The following EPAS1 variants were observed in gnomAD, a reference collection of about 807,000 sequenced individuals.
EPAS1 encodes the protein endothelial PAS domain-containing protein 1.
A neutral mutation model predicts 87.9 loss-of-function variants in EPAS1; 23 were observed. The ratio of observed to expected loss-of-function variants is 0.26; its 90% CI spans 0.19 to 0.37. The LOEUF is 0.37. EPAS1 is among the 10% of genes least tolerant of loss of function. The probability of loss-of-function intolerance (pLI) is 1.00; values close to 1 mark genes in which losing one functional copy is unlikely to be tolerated. For synonymous variants in EPAS1, 508 were observed against 444.3 expected (o/e 1.14, Z -1.80); for missense variants, 1,138 against 1,120.7 (o/e 1.02, Z -0.22).
At chr2:46,304,001 G>A (rs1347005336) in intron 1 of EPAS1, among the ~76,000 whole-genome samples, 1 of 152,226 alleles carries the variant, frequency 6.6e-6, no homozygotes, top group Non-Finnish European at 1.5e-5. Flanking sequence ...GAAGCCAAGT[G>A]CCCTGCACAG....
chr2:46,333,395 G>T (rs1177791501), intron 1 of EPAS1, among the ~76,000 whole-genome samples: 1 of 152,216 alleles, frequency 6.6e-6, no homozygotes, highest in Admixed American at 6.5e-5. Context: ...AAGTAGCACA[G>T]ATTGTCTAAG....
At position 46,297,852 on chromosome 2, in the gene EPAS1, C is replaced by G. The variant is rs888949409; in HGVS notation, c.-60C>G. 1.3e-6 allele frequency: 2 copies of G among 1,588,494 alleles called. No homozygotes were observed. The highest frequency in any genetic ancestry group is 2.7e-5 in the African/African-American group (2 of 74,148). On this transcript the variant is annotated 5_prime_UTR_variant, in exon 1 of 16. Coordinates refer to ENST00000263734, the MANE Select transcript of EPAS1 (RefSeq NM_001430.5). ...GGGGAGCGGACGAGGGCCACAGCCC[C>G]CCACCCGCCAGGGAGCCCAGGTGCT...
At chr2:46,359,594 T>A (rs1020832229) in intron 4 of EPAS1, among the ~76,000 whole-genome samples, 3 of 152,186 alleles carry the variant, frequency 2.0e-5, no homozygotes, top group Non-Finnish European at 4.4e-5. Flanking sequence ...CCTAAGGATG[T>A]TGAAGTTTTG....
intron 12 of EPAS1, 140 bp from the exon 13 acceptor site, chr2:46,381,456 T>G (rs1371570183): frequency 7.2e-7 from 1 of 1,381,598 alleles, no homozygotes; most frequent in Admixed American, 1.7e-5. Context: ...GTGCACAGCC[T>G]GCCTCTGAGA....
At chr2:46,315,820 G>A (rs1403181666) in intron 1 of EPAS1, among the ~76,000 whole-genome samples, 1 of 152,218 alleles carries the variant, frequency 6.6e-6, no homozygotes, top group African/African-American at 2.4e-5. Context: ...AAATTCTTTG[G>A]AAGATTATAG....
intron 1 of EPAS1, among the ~76,000 whole-genome samples, chr2:46,320,221 A>G (rs566550138): frequency 4.6e-4 from 70 of 152,258 alleles, no homozygotes; most frequent in Non-Finnish European, 9.3e-4. Context: ...CTGCTTTTCA[A>G]AGTTTTCGGT....
At chr2:46,301,148 T>G (rs10171382) in intron 1 of EPAS1, among the ~76,000 whole-genome samples, 11,589 of 152,196 alleles carry the variant, frequency 0.076, 1,349 homozygotes, top group African/African-American at 0.25. Context: ...TTTTCAGTGG[T>G]GCTTATAGGG....
Position 46,384,700 on chromosome 2 carries a change from T to C in EPAS1, c.*40T>C, listed in dbSNP as rs758768400. On this transcript the variant is annotated 3_prime_UTR_variant, in exon 16 of 16. Coordinates refer to ENST00000263734, the MANE Select transcript of EPAS1 (RefSeq NM_001430.5). The stretch of plus-strand genomic sequence containing the variant: ...CTGGGCAGCACCTCTGCCGACGCCG[T>C]CCCACCAGCTTCACTCTCTCCGTCT... 1.2e-6 allele frequency: 2 copies of C among 1,607,250 alleles called. No homozygotes were observed. Among genetic ancestry groups the C allele is most frequent in the Non-Finnish European group, 1.7e-6 (2 of 1,178,166 alleles).
chr2:46,346,657 G>A lies in EPAS1; in HGVS notation c.27-216G>A, dbSNP rs1427177558. 6.6e-6 allele frequency among the ~76,000 whole-genome samples: 1 copy of A among 152,226 alleles called. No homozygotes were observed. Among genetic ancestry groups the A allele is most frequent in the Non-Finnish European group, 1.5e-5 (1 of 68,050 alleles). On this transcript the variant is annotated intron_variant, in intron 1 of 15. Coordinates refer to ENST00000263734, the MANE Select transcript of EPAS1 (RefSeq NM_001430.5). The surrounding 1 kb of genome is among the most constrained non-coding windows in gnomAD (Gnocchi z 4.0). ...GTTCTGGCCTCCACAGGGAATGCAAGAGGAGGACTTTGGTTGTGAAGACAC... is the reference window on the plus strand; with the variant it reads ...GTTCTGGCCTCCACAGGGAATGCAAAAGGAGGACTTTGGTTGTGAAGACAC...
At chr2:46,324,434 C>T (rs1012548840) in intron 1 of EPAS1, among the ~76,000 whole-genome samples, 4 of 152,138 alleles carry the variant, frequency 2.6e-5, no homozygotes, top group Non-Finnish European at 5.9e-5. Flanking sequence ...AATAGATGCC[C>T]AATAAATATT....
In EPAS1 at chr2:46,380,691, A is replaced by G. The variant is rs1180783683; in HGVS notation, c.2019A>G (p.Pro673=). The stretch of plus-strand genomic sequence containing the variant: ...CGCCGTTGGGGCCCCCTGTCTCTCC[A>G]CCCCATGTCTCCACCTTCAAGACAA... ...GAAPLGPPVS[P]PHVSTFKTRS... Residue 673 remains proline (P), a synonymous_variant, in exon 12 of 16, where the codon CCA becomes CCG. Coordinates refer to ENST00000263734, the MANE Select transcript of EPAS1 (RefSeq NM_001430.5). This position sits in a 1 kb window ranked among gnomAD's most constrained non-coding sequence, Gnocchi z 4.4. The G allele has an allele frequency of 6.2e-7, 1 of 1,612,666 alleles. No individual in the cohort carries two copies.
In EPAS1 at chr2:46,384,540, T is replaced by G. The variant is rs1684968243; in HGVS notation, c.2493T>G (p.Phe831Leu). Residue 831 changes from phenylalanine to leucine, a missense_variant, in exon 16 of 16, where the codon TTT becomes TTG. Phe to Leu is a conservative substitution (Grantham distance 22, BLOSUM62 0). Coordinates refer to ENST00000263734, the MANE Select transcript of EPAS1 (RefSeq NM_001430.5). ...GMASRLLGPS[F>L]ESYLLPELTR... ...CAAGCCGGCTGCTCGGGCCCTCATTTGAGTCCTACCTGCTGCCCGAACTGA... is the reference window on the plus strand; with the variant it reads ...CAAGCCGGCTGCTCGGGCCCTCATTGGAGTCCTACCTGCTGCCCGAACTGA... 6 of 1,614,112 alleles carry G rather than the reference T, an allele frequency of 3.7e-6. No homozygotes were observed. The South Asian group carries it at 6.6e-5, about 18-fold the overall frequency.
intron 2 of EPAS1, among the ~76,000 whole-genome samples, chr2:46,348,824 T>C (rs1200716880): frequency 6.6e-6 from 1 of 152,238 alleles, no homozygotes; most frequent in Non-Finnish European, 1.5e-5. Context: ...CAATGAGCAT[T>C]TCCTTTGAAT....
intron 14 of EPAS1, 108 bp downstream of exon 14, chr2:46,382,197 T>G: frequency 1.7e-6 from 2 of 1,160,410 alleles, no homozygotes; most frequent in Admixed American, 2.0e-5. Context: ...CCTGCCTCTC[T>G]GAGCCTTGTT....
chr2:46,348,904 T>C (rs1684088420), intron 2 of EPAS1, among the ~76,000 whole-genome samples: 1 of 152,222 alleles, frequency 6.6e-6, no homozygotes, highest in South Asian at 2.1e-4. Context: ...TGTATATTAA[T>C]TGTAGAATGC....
At chr2:46,330,356 C>T (rs1336847468) in intron 1 of EPAS1, among the ~76,000 whole-genome samples, 1 of 152,236 alleles carries the variant, frequency 6.6e-6, no homozygotes, top group Admixed American at 6.5e-5. Context: ...GAGCTAGGCA[C>T]ACATAGATGG....
chr2:46,344,359 G>C (rs1270340804), intron 1 of EPAS1, among the ~76,000 whole-genome samples: 1 of 152,216 alleles, frequency 6.6e-6, no homozygotes, highest in African/African-American at 2.4e-5. Context: ...AGCCTGTGCT[G>C]GGATTGCTTT....
At chr2:46,379,616 C>T (rs150143460) in intron 11 of EPAS1, 84 of 152,676 alleles carry the variant, frequency 5.5e-4, no homozygotes, top group African/African-American at 1.9e-3. Context: ...AACTGTTTTC[C>T]GCATCTGCTT....
intron 11 of EPAS1, chr2:46,379,975 G>T (rs530116730): frequency 5.0e-6 from 3 of 599,468 alleles, no homozygotes; most frequent in Non-Finnish European, 9.0e-6. Context: ...ATGGGGAGAG[G>T]AGAACATTTC....
Sources: allele counts gnomAD v4.1 joint callset (sites outside exome capture counted in the v4.1 genomes callset), GRCh38; gene constraint gnomAD v4.1.1; non-coding constraint Gnocchi (gnomAD v3.1); transcripts MANE v1.5; gene names NCBI Gene and HGNC (gene_info 2026-07-23, HGNC 2026-07-21).